ATRNL1: variants seen among roughly 807,000 people sequenced by gnomAD.
The protein encoded by ATRNL1 is attractin like 1.
Under a neutral mutation model 182.7 loss-of-function variants are expected in ATRNL1, and 95 were observed. That is an observed-to-expected ratio of 0.52 (90% CI 0.44 to 0.62). The LOEUF (loss-of-function observed/expected upper bound fraction) is 0.62, where lower values mean the gene tolerates loss of function less well. ATRNL1 is among the 20% of genes least tolerant of loss of function. The pLI is 0.00. For synonymous variants in ATRNL1, 576 were observed against 568.3 expected, an observed-to-expected ratio of 1.01 and a Z score of -0.19; for missense variants, 1,471 against 1,679.5, an observed-to-expected ratio of 0.88 and a Z score of 2.17.
At chr10:115,346,499 T>C (rs1855980445) in intron 19 of ATRNL1, among the ~76,000 whole-genome samples, 3 of 152,222 alleles carry the variant, frequency 2.0e-5, no homozygotes, top group Admixed American at 2.0e-4. Context: ...CACAATGTTG[T>C]ACAACTGTCA....
At chr10:115,443,281 A>G (rs1846787946) in intron 21 of ATRNL1, among the ~76,000 whole-genome samples, 1 of 152,022 alleles carries the variant, frequency 6.6e-6, no homozygotes, top group South Asian at 2.1e-4. Context: ...TATAATTGAA[A>G]TAAATGTAAT....
intron 28 of ATRNL1, among the ~76,000 whole-genome samples, chr10:115,910,583 A>G (rs1014941227): frequency 1.3e-5 from 2 of 151,848 alleles, no homozygotes. Flanking sequence ...AGGAAAGGCC[A>G]TTCATTAATA....
chr10:115,845,501 G>T (rs895050517), intron 27 of ATRNL1, among the ~76,000 whole-genome samples: 8 of 151,782 alleles, frequency 5.3e-5, no homozygotes, highest in African/African-American at 1.2e-4. Flanking sequence ...TTTTTTCTCC[G>T]TTGATGCTGT....
At chr10:115,767,312 C>T (rs1948880475) in intron 27 of ATRNL1, among the ~76,000 whole-genome samples, 1 of 152,074 alleles carries the variant, frequency 6.6e-6, no homozygotes, top group Non-Finnish European at 1.5e-5. Flanking sequence ...ATTGTCTTCC[C>T]CAAAACTGCC....
At chr10:115,522,536 G>A (rs1167668336) in intron 25 of ATRNL1, among the ~76,000 whole-genome samples, 3 of 152,124 alleles carry the variant, frequency 2.0e-5, no homozygotes, top group African/African-American at 7.2e-5. Flanking sequence ...ATTTCAATAT[G>A]TGCTTTGGAG....
chr10:115,110,030 T>C (rs180973562), intron 1 of ATRNL1, among the ~76,000 whole-genome samples: 9 of 152,344 alleles, frequency 5.9e-5, no homozygotes, highest in Admixed American at 5.2e-4. Flanking sequence ...AACTAATCTG[T>C]ACTTTAGATG....
chr10:115,587,739 G>T (rs1592903829), intron 26 of ATRNL1, among the ~76,000 whole-genome samples: 1 of 135,182 alleles, frequency 7.4e-6, no homozygotes, highest in Non-Finnish European at 1.6e-5. Context: ...CTCACTGGGA[G>T]CTGTAGACCA....
At chr10:115,495,446 T>C (rs868938563) in intron 24 of ATRNL1, among the ~76,000 whole-genome samples, 5 of 152,164 alleles carry the variant, frequency 3.3e-5, no homozygotes, top group Non-Finnish European at 7.3e-5. Flanking sequence ...CTTTTTGATG[T>C]GGACGTTTAG....
intron 24 of ATRNL1, among the ~76,000 whole-genome samples, chr10:115,496,894 A>G (rs1366963332): frequency 2.0e-5 from 3 of 152,060 alleles, no homozygotes. Flanking sequence ...CTTGTGAGGT[A>G]TCTCTTGGGG....
chr10:115,810,125 C>CT (rs1246076405), intron 27 of ATRNL1, among the ~76,000 whole-genome samples: 1 of 151,612 alleles, frequency 6.6e-6, no homozygotes, highest in Non-Finnish European at 1.5e-5. Context: ...TTGACATTGC[C>CT]TTTTTAGGAT....
chr10:115,325,570 A>G (rs1374378839), intron 18 of ATRNL1, among the ~76,000 whole-genome samples: 1 of 152,144 alleles, frequency 6.6e-6, no homozygotes, highest in Non-Finnish European at 1.5e-5. Context: ...TCTGCATCAT[A>G]TATAGACCAT....
At chr10:115,871,112 G>A (rs1555105976) in intron 28 of ATRNL1, among the ~76,000 whole-genome samples, 1 of 151,928 alleles carries the variant, frequency 6.6e-6, no homozygotes, top group East Asian at 1.9e-4. Flanking sequence ...TTCTGTCCTT[G>A]AAAAGTTTTT....
At chr10:115,174,858 G>GT (rs1362431186) in intron 8 of ATRNL1, among the ~76,000 whole-genome samples, 5 of 150,776 alleles carry the variant, frequency 3.3e-5, no homozygotes, top group South Asian at 2.1e-4. Context: ...TTGGCATATA[G>GT]TTTTTTTTTG....
chr10:115,476,071 G>A (rs1848517301), intron 24 of ATRNL1, among the ~76,000 whole-genome samples: 1 of 151,266 alleles, frequency 6.6e-6, no homozygotes, highest in East Asian at 2.0e-4. Context: ...AAATTAACCT[G>A]TATGCAGTGC....
intron 8 of ATRNL1, among the ~76,000 whole-genome samples, chr10:115,181,363 A>G (rs797027698): frequency 2.6e-5 from 4 of 151,756 alleles, no homozygotes; most frequent in South Asian, 2.1e-4. Flanking sequence ...ATCAAGGTCT[A>G]TTGGACCCAA....
chr10:115,703,210 CAGA>C, intron 26 of ATRNL1, among the ~76,000 whole-genome samples: 1 of 152,006 alleles, frequency 6.6e-6, no homozygotes, highest in South Asian at 2.1e-4. Context: ...TAACCATATG[CAGA>C]AGAATGAAAC....
At chr10:115,675,134 C>A (rs1945819661) in intron 26 of ATRNL1, among the ~76,000 whole-genome samples, 1 of 152,058 alleles carries the variant, frequency 6.6e-6, no homozygotes, top group Non-Finnish European at 1.5e-5. Context: ...GTAATTGTAG[C>A]AGTTTAGGAG....
At chr10:115,912,449 G>A (rs1370181373) in intron 28 of ATRNL1, among the ~76,000 whole-genome samples, 1 of 151,256 alleles carries the variant, frequency 6.6e-6, no homozygotes, top group Non-Finnish European at 1.5e-5. Context: ...TGCATATGAT[G>A]AAACAGGCAC....
chr10:115,790,884 CG>C (rs1949515549), intron 27 of ATRNL1, among the ~76,000 whole-genome samples: 1 of 152,080 alleles, frequency 6.6e-6, no homozygotes, highest in South Asian at 2.1e-4. Flanking sequence ...TAAAAATGTT[CG>C]GGGGTTTTTA....
Sources: gnomAD v4.1 joint callset for allele counts (sites outside exome capture counted in the v4.1 genomes callset) on GRCh38, gnomAD v4.1.1 for gene constraint, MANE v1.5 for transcripts, NCBI Gene and HGNC (gene_info 2026-07-23, HGNC 2026-07-21) for gene names.